Variants in UBQLN4 observed in about 807,000 individuals in gnomAD.
The protein encoded by UBQLN4 is ubiquilin-4.
Under a neutral mutation model 60.4 loss-of-function variants are expected in UBQLN4, and 11 were observed. The ratio of observed to expected loss-of-function variants is 0.18; its 90% CI spans 0.11 to 0.30. UBQLN4 has a LOEUF of 0.30. UBQLN4 is among the 10% of genes least tolerant of loss of function. UBQLN4 has a pLI of 1.00. For missense variants in UBQLN4, 417 were observed against 795.5 expected, an observed-to-expected ratio of 0.52 and a Z score of 5.72; for synonymous variants, 258 against 313.1, an observed-to-expected ratio of 0.82 and a Z score of 1.86.
chr1:156,033,734 C>T (rs922714021), downstream of UBQLN4, among the ~76,000 whole-genome samples: 7 of 151,872 alleles, frequency 4.6e-5, no homozygotes, highest in Admixed American at 4.6e-4. Context: ...ATCCCAGCTA[C>T]TCAGGAGGCT....
rs977186512 is a variant in UBQLN4, at chr1:156,048,025, C to G, written c.900+476G>C. Among the ~76,000 whole-genome samples the G allele has an allele frequency of 1.3e-5, 2 of 151,516 alleles. No individual in the cohort carries two copies. The highest frequency in any genetic ancestry group is 2.9e-5 in the Non-Finnish European group (2 of 67,908). On this transcript the variant is annotated intron_variant, in intron 5 of 10. Coordinates refer to ENST00000368309, the MANE Select transcript of UBQLN4 (RefSeq NM_020131.5). This position sits in a 1 kb window ranked among gnomAD's most constrained non-coding sequence, Gnocchi z 4.9. ...ATTTTTATCTATTTTTTTGTGTGTA[C>G]TTGAATAGGATTCATAAAGCATTTT... is the stretch of plus-strand genomic sequence containing the variant.
At position 156,050,108 on chromosome 1, in the gene UBQLN4, C is replaced by T. The variant is rs1327475680; in HGVS notation, c.741+183G>A. ...TATTCTAATTGCCGGTTTACTTGTC[C>T]TACTTCCCTTTGACACCTGGAATTC... is the stretch of plus-strand genomic sequence containing the variant. On this transcript the variant is annotated intron_variant, in intron 4 of 10. Transcript: ENST00000368309. The surrounding 1 kb of genome is among the most constrained non-coding windows in gnomAD (Gnocchi z 4.6). Among the ~76,000 whole-genome samples the T allele has an allele frequency of 1.3e-5, 2 of 152,210 alleles. No individual in the cohort carries two copies. Among genetic ancestry groups the T allele is most frequent in the Admixed American group, 1.3e-4 (2 of 15,276 alleles).
chr1:156,036,007 C>G lies in UBQLN4; in HGVS notation c.*971G>C, dbSNP rs1173897631. On this transcript the variant is annotated 3_prime_UTR_variant, in exon 11 of 11. Transcript: ENST00000368309. ...AACTACTGGTGCCTGGGGACACAAG[C>G]AAGACCTGGGTCCATGGAAATGTGT... 1.2e-5 allele frequency: 12 copies of G among 985,582 alleles called. No homozygotes were observed. Among genetic ancestry groups the G allele is most frequent in the African/African-American group, 5.2e-5 (3 of 57,246 alleles). 61.1% of individuals were successfully genotyped at this position (985,582 alleles called of 1,614,324 possible).
chr1:156,035,176 T>C (rs1420344374), downstream of UBQLN4: 1 of 875,438 alleles, frequency 1.1e-6, no homozygotes, highest in African/African-American at 1.8e-5. Context: ...ACTTTTAATA[T>C]TTCTTAACAT....
intron 4 of UBQLN4, among the ~76,000 whole-genome samples, chr1:156,049,249 C>T (rs546894194): frequency 1.5e-4 from 23 of 152,228 alleles, no homozygotes; most frequent in Admixed American, 3.3e-4. Context: ...CAAGACCATA[C>T]TGTGATTCCT....
At chr1:156,033,202 C>T (rs1683324355), downstream of UBQLN4, 8 of 985,360 alleles carry the variant, frequency 8.1e-6, no homozygotes, top group Non-Finnish European at 9.6e-6. Context: ...AGGAGGAGCC[C>T]GGGTGAGACT....
chr1:156,035,102 G>GT (rs1290240403), downstream of UBQLN4, among the ~76,000 whole-genome samples: 8 of 150,706 alleles, frequency 5.3e-5, no homozygotes, highest in East Asian at 1.4e-3. Flanking sequence ...AATATTTCTT[G>GT]TTTTTTTGAG....
chr1:156,043,045 C>T, intron 6 of UBQLN4, 132 bp from the exon 7 acceptor site: 1 of 1,248,212 alleles, frequency 8.0e-7, no homozygotes, highest in Non-Finnish European at 1.1e-6. Flanking sequence ...CCAGTGGGCA[C>T]CCTAGGATTG....
In UBQLN4 at chr1:156,051,306, G is replaced by A. The variant is rs543058856; in HGVS notation, c.282C>T (p.Ala94=). ...CAGGTGTGGAGGGGGAAGAAGCAGT[G>A]GCAGCAGCTGGATCTTGAGCCCTGA... is the stretch of plus-strand genomic sequence containing the variant. The part of the protein sequence containing the change: ...TPQKAQDPAA[A]TASSPSTPDP... The change falls in exon 3 of 11, where the codon GCC becomes GCT. Residue 94 remains alanine (A), a synonymous_variant. Coordinates refer to ENST00000368309, the MANE Select transcript of UBQLN4 (RefSeq NM_020131.5). The A allele has an allele frequency of 6.4e-7, 1 of 1,555,974 alleles. No homozygotes were observed. Among genetic ancestry groups the A allele is most frequent in the South Asian group, 1.2e-5 (1 of 84,660 alleles).
chr1:156,034,823 T>TA (rs1683355095), downstream of UBQLN4, among the ~76,000 whole-genome samples: 1 of 35,872 alleles, frequency 2.8e-5, no homozygotes, highest in African/African-American at 1.0e-4. Flanking sequence ...TCCCTTAACC[T>TA]TCTATATATA....
chr1:156,045,159 C>T (rs1683665360), intron 5 of UBQLN4, among the ~76,000 whole-genome samples: 1 of 152,162 alleles, frequency 6.6e-6, no homozygotes, highest in Non-Finnish European at 1.5e-5. Flanking sequence ...GTGGTCCTAC[C>T]TCAGCCCCTC....
At chr1:156,047,723 A>C (rs183173107) in intron 5 of UBQLN4, among the ~76,000 whole-genome samples, 1,782 of 150,886 alleles carry the variant, frequency 0.012, 113 homozygotes, top group Admixed American at 0.097. Flanking sequence ...GTGAAACCCC[A>C]TCTCTACTAA....
In UBQLN4 at chr1:156,050,656, A is replaced by C; in HGVS notation, c.479-103T>G. 1.0e-4 allele frequency: 150 copies of C among 1,433,694 alleles called. No homozygotes were observed. Among genetic ancestry groups the C allele is most frequent in the Non-Finnish European group, 1.3e-4 (137 of 1,081,522 alleles). The allele number at this position is 1,433,694 out of a possible 1,614,324, so 88.8% of individuals were successfully genotyped here. A position where few individuals can be genotyped will look rare whatever the true frequency, so the allele number is the denominator to read the frequency against. ...CCAGGACACGCCCCAAATGCTTCTCACATGTCCCTCTTCCTGTCATTCCCA... is the reference window on the plus strand; with the variant it reads ...CCAGGACACGCCCCAAATGCTTCTCCCATGTCCCTCTTCCTGTCATTCCCA... On this transcript the variant is annotated intron_variant, in intron 3 of 10. Coordinates refer to ENST00000368309, the MANE Select transcript of UBQLN4 (RefSeq NM_020131.5). The surrounding 1 kb of genome is among the most constrained non-coding windows in gnomAD (Gnocchi z 4.6).
At chr1:156,049,072 G>A (rs894178096) in intron 4 of UBQLN4, among the ~76,000 whole-genome samples, 1 of 152,192 alleles carries the variant, frequency 6.6e-6, no homozygotes, top group Non-Finnish European at 1.5e-5. Flanking sequence ...AGTAGCTTAC[G>A]GAATTCAAGT....
chr1:156,035,108 T>C (rs1257116450), downstream of UBQLN4, among the ~76,000 whole-genome samples: 2 of 151,804 alleles, frequency 1.3e-5, no homozygotes, highest in African/African-American at 2.4e-5. Flanking sequence ...TCTTGTTTTT[T>C]TGAGATGCAG....
chr1:156,031,373 C>G (rs936991185), downstream of UBQLN4, among the ~76,000 whole-genome samples: 2 of 152,100 alleles, frequency 1.3e-5, no homozygotes, highest in Non-Finnish European at 2.9e-5. Flanking sequence ...TTCAGATGAA[C>G]AAACTCAGGC....
chr1:156,040,341 T>C lies in UBQLN4; in HGVS notation c.1653+1144A>G, dbSNP rs1234853507. 5.3e-5 allele frequency among the ~76,000 whole-genome samples: 8 copies of C among 150,300 alleles called. 1 individual carries two copies. The South Asian group carries it at 6.3e-4, about 12-fold the overall frequency. On this transcript the variant is annotated intron_variant, in intron 10 of 10. Transcript: ENST00000368309. ...AACCTGGGAGGCAGAGGTTGCGCCA[T>C]TGCACTCCAGCCTGGGCAACAAGAG...
rs1162413956 is a variant in UBQLN4, at chr1:156,040,265, G to A, written c.1653+1220C>T. Among the ~76,000 whole-genome samples, 10 of 151,586 alleles carry A rather than the reference G, an allele frequency of 6.6e-5. No homozygotes were observed. The East Asian group carries it at 9.9e-4, about 15-fold the overall frequency. On this transcript the variant is annotated intron_variant, in intron 10 of 10. Transcript: ENST00000368309. Reference sequence around the variant, plus strand: ...AAAAAAATTAGCCGGGTGTGGTGGCGCGTGCCTGTAATCCCAGCTACTCGG... The same window carrying A: ...AAAAAAATTAGCCGGGTGTGGTGGCACGTGCCTGTAATCCCAGCTACTCGG...
Position 156,048,761 on chromosome 1 carries a change from C to A in UBQLN4, c.742-102G>T. ...AGGGGGGTCTGTATCAGGATCAGGA[C>A]CAGGGCCCAGGAACTGCCCCACAGT... On this transcript the variant is annotated intron_variant, in intron 4 of 10. Coordinates refer to ENST00000368309, the MANE Select transcript of UBQLN4 (RefSeq NM_020131.5). The surrounding 1 kb of genome is among the most constrained non-coding windows in gnomAD (Gnocchi z 4.9). 1 of 1,314,030 alleles carries A rather than the reference C, an allele frequency of 7.6e-7. No individual in the cohort carries two copies. The allele number at this position is 1,314,030 out of a possible 1,614,324, so 81.4% of individuals were successfully genotyped here. A position where few individuals can be genotyped will look rare whatever the true frequency, so the allele number is the denominator to read the frequency against.
Sources: gnomAD v4.1 joint callset for allele counts (sites outside exome capture counted in the v4.1 genomes callset) on GRCh38, gnomAD v4.1.1 for gene constraint, Gnocchi (gnomAD v3.1) non-coding constraint, MANE v1.5 for transcripts, NCBI Gene and HGNC (gene_info 2026-07-23, HGNC 2026-07-21) for gene names.